Variants in WWOX observed in about 807,000 individuals in gnomAD.
The protein encoded by WWOX is WW domain-containing oxidoreductase.
WWOX carries 69 observed loss-of-function variants against 46.2 expected under a neutral mutation model. The ratio of observed to expected loss-of-function variants is 1.49; its 90% CI spans 1.23 to 1.82. The LOEUF (loss-of-function observed/expected upper bound fraction) is 1.82, where lower values mean the gene tolerates loss of function less well. Ranked by LOEUF, WWOX falls within the 40% of genes most tolerant of loss-of-function variation. The pLI is 0.00. For synonymous variants in WWOX, 359 were observed against 202.6 expected (o/e 1.77, Z -6.56); for missense variants, 919 against 542.6 (o/e 1.69, Z -6.89).
chr16:78,172,427 C>T (rs938845086), intron 5 of WWOX, among the ~76,000 whole-genome samples: 2 of 152,140 alleles, frequency 1.3e-5, no homozygotes, highest in East Asian at 1.9e-4. Flanking sequence ...TAGACATAAT[C>T]GGTTGCTAAA....
At chr16:78,964,294 C>T (rs1034081583) in intron 8 of WWOX, among the ~76,000 whole-genome samples, 1 of 152,154 alleles carries the variant, frequency 6.6e-6, no homozygotes, top group Non-Finnish European at 1.5e-5. Flanking sequence ...TGGCTTTGCC[C>T]AAAATGCTGA....
At chr16:79,033,977 T>C (rs1360409168) in intron 8 of WWOX, among the ~76,000 whole-genome samples, 1 of 151,996 alleles carries the variant, frequency 6.6e-6, no homozygotes, top group Non-Finnish European at 1.5e-5. Context: ...AGCCAAGGGG[T>C]CACGCAGGGG....
At chr16:78,938,623 C>T (rs756000639) in intron 8 of WWOX, among the ~76,000 whole-genome samples, 3 of 152,054 alleles carry the variant, frequency 2.0e-5, no homozygotes, top group Non-Finnish European at 2.9e-5. Flanking sequence ...TTCATTTGTT[C>T]ATTTATTCCA....
chr16:78,100,838 C>T (rs2031728653), intron 1 of WWOX, among the ~76,000 whole-genome samples: 1 of 152,150 alleles, frequency 6.6e-6, no homozygotes, highest in Non-Finnish European at 1.5e-5. Flanking sequence ...CTTAGAATCA[C>T]CTAGGAAATG....
chr16:78,710,477 T>TATATATATATATATATATATATAG (rs1291599455), intron 8 of WWOX, among the ~76,000 whole-genome samples: 1 of 121,086 alleles, frequency 8.3e-6, no homozygotes. Flanking sequence ...GGATCTCATA[T>TATATATATATATATATATATATAG]ATATATATAT....
At chr16:79,130,462 G>T (rs1484653890) in intron 8 of WWOX, among the ~76,000 whole-genome samples, 4 of 152,118 alleles carry the variant, frequency 2.6e-5, no homozygotes, top group African/African-American at 4.8e-5. Context: ...TAAAAACAGG[G>T]TTAGTAAAGG....
chr16:78,952,752 G>C (rs950240428), intron 8 of WWOX, among the ~76,000 whole-genome samples: 3 of 152,090 alleles, frequency 2.0e-5, no homozygotes, highest in African/African-American at 7.2e-5. Context: ...GCATGTGTTT[G>C]TTTCGGTTCC....
At chr16:78,539,989 C>A (rs146143970) in intron 8 of WWOX, among the ~76,000 whole-genome samples, 1 of 135,698 alleles carries the variant, frequency 7.4e-6, no homozygotes, top group Non-Finnish European at 1.5e-5. Context: ...ATACATCTCT[C>A]TCTCTCTTTC....
intron 8 of WWOX, among the ~76,000 whole-genome samples, chr16:79,123,571 G>A (rs1038903832): frequency 7.9e-5 from 12 of 152,158 alleles, no homozygotes; most frequent in African/African-American, 2.9e-4. Flanking sequence ...AGGACGTTGA[G>A]ACCCAGAAGG....
intron 8 of WWOX, among the ~76,000 whole-genome samples, chr16:78,434,673 C>T (rs1022254661): frequency 4.6e-5 from 7 of 152,154 alleles, no homozygotes; most frequent in East Asian, 3.9e-4. Flanking sequence ...TCAGTGGCAT[C>T]AGAGAGTTCG....
At chr16:78,908,418 T>C (rs2045022399) in intron 8 of WWOX, among the ~76,000 whole-genome samples, 1 of 151,496 alleles carries the variant, frequency 6.6e-6, no homozygotes, top group South Asian at 2.1e-4. Flanking sequence ...TAGGCGCCTG[T>C]AATCCTAGCT....
chr16:78,235,012 G>A (rs1183928686), intron 5 of WWOX, among the ~76,000 whole-genome samples: 2 of 151,298 alleles, frequency 1.3e-5, no homozygotes, highest in Non-Finnish European at 2.9e-5. Context: ...AAAGAGGTGG[G>A]GGAGAGGAAA....
chr16:79,017,897 A>T (rs954974899), intron 8 of WWOX, among the ~76,000 whole-genome samples: 4 of 152,190 alleles, frequency 2.6e-5, no homozygotes, highest in African/African-American at 7.2e-5. Flanking sequence ...TCCAGGCTAG[A>T]TCCTTAATAT....
At chr16:79,093,425 C>T (rs900882319) in intron 8 of WWOX, among the ~76,000 whole-genome samples, 2 of 152,148 alleles carry the variant, frequency 1.3e-5, no homozygotes, top group Non-Finnish European at 2.9e-5. Context: ...TGTGACCCAA[C>T]ATTTTTCTGT....
At chr16:78,194,924 G>A (rs533979321) in intron 5 of WWOX, among the ~76,000 whole-genome samples, 4 of 152,162 alleles carry the variant, frequency 2.6e-5, no homozygotes, top group South Asian at 2.1e-4. Context: ...TAGAATGTGC[G>A]TTCTGCTATA....
chr16:78,193,193 C>G (rs1328937395), intron 5 of WWOX, among the ~76,000 whole-genome samples: 2 of 152,204 alleles, frequency 1.3e-5, no homozygotes, highest in Non-Finnish European at 1.5e-5. Flanking sequence ...CCAAGACCAA[C>G]AGCCAAGACC....
chr16:78,521,345 C>G (rs574380368), intron 8 of WWOX, among the ~76,000 whole-genome samples: 1 of 152,092 alleles, frequency 6.6e-6, no homozygotes, highest in Non-Finnish European at 1.5e-5. Context: ...TATGAGCCAC[C>G]AAGCCTAGCC....
intron 8 of WWOX, among the ~76,000 whole-genome samples, chr16:78,656,812 C>A (rs2047091569): frequency 6.6e-6 from 1 of 152,108 alleles, no homozygotes; most frequent in East Asian, 1.9e-4. Flanking sequence ...ATTGCTCTGA[C>A]ACAGAAGACT....
rs1215890742 is a variant in WWOX at position 78,321,420 on chromosome 16, G to GTATA, written c.517-65429_517-65426dup. ...TATATATACGTATATATATATGTGT[G>GTATA]TATATATATATATAAAAATATATTT... is the stretch of plus-strand genomic sequence containing the variant. On this transcript the variant is annotated intron_variant, in intron 5 of 8. Coordinates refer to ENST00000566780, the MANE Select transcript of WWOX (RefSeq NM_016373.4). 3.9e-5 allele frequency among the ~76,000 whole-genome samples: 5 copies of GTATA among 126,802 alleles called. 1 individual carries two copies. The highest frequency in any genetic ancestry group is 9.7e-5 in the African/African-American group (3 of 30,776). The allele number at this position is 126,802 out of a possible 152,430, so 83.2% of individuals were successfully genotyped here.
Sources: allele counts gnomAD v4.1 joint callset (sites outside exome capture counted in the v4.1 genomes callset), GRCh38; gene constraint gnomAD v4.1.1; transcripts MANE v1.5; gene names NCBI Gene and HGNC (gene_info 2026-07-23, HGNC 2026-07-21).